The following STAB2 variants were observed in gnomAD, a reference collection of about 807,000 sequenced individuals.
The protein encoded by STAB2 is stabilin 2.
A neutral mutation model predicts 338.1 loss-of-function variants in STAB2; 288 were observed. That is an observed-to-expected ratio of 0.85 (90% CI 0.77 to 0.94). The LOEUF (loss-of-function observed/expected upper bound fraction) is 0.94, where lower values mean the gene tolerates loss of function less well. STAB2 is among the 40% of genes least tolerant of loss of function. The pLI is 0.00. For missense variants in STAB2, 3,141 were observed against 3,210.1 expected (o/e 0.98, Z 0.52); for synonymous variants, 1,202 against 1,193.3 (o/e 1.01, Z -0.15).
At chr12:103,739,566 T>C (rs1408103040) in intron 54 of STAB2, 98 bp downstream of exon 54, 1 of 778,526 alleles carries the variant, frequency 1.3e-6, no homozygotes, top group African/African-American at 1.9e-5. Flanking sequence ...TGTGTGTGTG[T>C]GTGTGTGCCC....
At position 103,728,855 on chromosome 12, in the gene STAB2, G is replaced by T; in HGVS notation, c.4942G>T (p.Asp1648Tyr). The change falls in exon 48 of 69, where the codon GAC becomes TAC. Residue 1648 changes from aspartate to tyrosine, a missense_variant. Transcript: ENST00000388887. ...CTCTGATCTTCTGTTACAGGTTAAAGACTGGGACAAATACGGTTTAATGCC... is the reference window on the plus strand; with the variant it reads ...CTCTGATCTTCTGTTACAGGTTAAATACTGGGACAAATACGGTTTAATGCC... ...AAFDEEARVK[D>Y]WDKYGLMPQV... The T allele has an allele frequency of 6.2e-7, 1 of 1,613,996 alleles. No homozygotes were observed. The highest frequency in any genetic ancestry group is 8.5e-7 in the Non-Finnish European group (1 of 1,179,876).
chr12:103,736,202 G>A (rs1420830507), intron 52 of STAB2, among the ~76,000 whole-genome samples: 5 of 152,174 alleles, frequency 3.3e-5, no homozygotes, highest in African/African-American at 9.6e-5. Context: ...TGGCTCAGTG[G>A]AGAGGTGCCT....
At chr12:103,711,933 C>T (rs1159459958) in intron 40 of STAB2, among the ~76,000 whole-genome samples, 2 of 152,196 alleles carry the variant, frequency 1.3e-5, no homozygotes, top group Admixed American at 6.5e-5. Flanking sequence ...TCAAAGTCAG[C>T]CTCTGTTATT....
At chr12:103,679,322 C>T (rs916213887) in intron 25 of STAB2, among the ~76,000 whole-genome samples, 40 of 151,758 alleles carry the variant, frequency 2.6e-4, no homozygotes, top group African/African-American at 8.7e-4. Flanking sequence ...GAACTGAGAT[C>T]GTGCCATTGC....
intron 46 of STAB2, among the ~76,000 whole-genome samples, chr12:103,726,999 G>C (rs1004267632): frequency 1.3e-5 from 2 of 152,112 alleles, no homozygotes; most frequent in African/African-American, 4.8e-5. Context: ...TAGGTGGTGG[G>C]ACTAGGGAGG....
intron 59 of STAB2, 40 bp downstream of exon 59, chr12:103,749,196 G>T (rs76025401): frequency 6.4e-7 from 1 of 1,553,730 alleles, no homozygotes; most frequent in Non-Finnish European, 8.7e-7. Context: ...GAGCAGCGCC[G>T]TGGGCTTCGC....
At chr12:103,762,616 T>C (rs769046330) in intron 67 of STAB2, among the ~76,000 whole-genome samples, 3 of 152,174 alleles carry the variant, frequency 2.0e-5, no homozygotes, top group Non-Finnish European at 4.4e-5. Flanking sequence ...AAGCCCCTCC[T>C]TCTGGCTGAG....
At chr12:103,765,086 CAAA>C (rs56002429) in intron 68 of STAB2, among the ~76,000 whole-genome samples, 30 of 66,490 alleles carry the variant, frequency 4.5e-4, no homozygotes, top group African/African-American at 1.0e-3. Flanking sequence ...GACTCTGTCT[CAAA>C]AAAAAAAAAA....
Position 103,707,222 on chromosome 12 carries a change from CTCATTGACATT to C in STAB2, c.4192+236_4192+246del, listed in dbSNP as rs1879447319. 3.3e-5 allele frequency among the ~76,000 whole-genome samples: 5 copies of C among 152,374 alleles called. No homozygotes were observed. In the South Asian group the frequency reaches 1.0e-3, roughly 32 times the overall value. ...AACCTACCAACTCACTTCCAATTTG[CTCATTGACATT>C]CCCAGCCCAAATGCGTTTTTATATT... is the stretch of plus-strand genomic sequence containing the variant. On this transcript the variant is annotated intron_variant, in intron 38 of 68. Coordinates refer to ENST00000388887, the MANE Select transcript of STAB2 (RefSeq NM_017564.10).
rs566603979 is a variant in STAB2, at chr12:103,698,594, C to T, written c.3583-502C>T. ...CCAAGCCAACTATGCAAGTGCAAAT[C>T]GGTCCCACGCAGCAACAACCCTCCT... On this transcript the variant is annotated intron_variant, in intron 33 of 68. Transcript: ENST00000388887. Among the ~76,000 whole-genome samples the T allele has an allele frequency of 3.2e-4, 48 of 152,104 alleles. 1 individual carries two copies. Among genetic ancestry groups the T allele is most frequent in the Admixed American group, 2.0e-4 (3 of 15,282 alleles).
chr12:103,675,131 A>AT (rs1166508043), intron 23 of STAB2, among the ~76,000 whole-genome samples: 3 of 152,176 alleles, frequency 2.0e-5, no homozygotes, highest in Non-Finnish European at 2.9e-5. Flanking sequence ...TGAAATATAT[A>AT]TTTTTTTAAT....
intron 30 of STAB2, among the ~76,000 whole-genome samples, chr12:103,692,559 CTCTT>C (rs1339799546): frequency 6.6e-6 from 1 of 152,192 alleles, no homozygotes; most frequent in East Asian, 1.9e-4. Flanking sequence ...TTCTTTCTTT[CTCTT>C]TCTCTTTTTC....
In STAB2 at chr12:103,703,216, G is replaced by A. The variant is rs1879058111; in HGVS notation, c.3783G>A (p.Leu1261=). The A allele has an allele frequency of 1.2e-6, 2 of 1,614,010 alleles. No homozygotes were observed. The highest frequency in any genetic ancestry group is 4.5e-5 in the East Asian group (2 of 44,874). The stretch of plus-strand genomic sequence containing the variant: ...CTGATAAGGGAGTGATCCATGGCTT[G>A]GGAAAAGTTCTGGAAATTCAGAAGA... ...VATDKGVIHG[L]GKVLEIQKNR... Residue 1261 remains leucine (L), a synonymous_variant, in exon 35 of 69, where the codon TTG becomes TTA. Transcript: ENST00000388887.
At chr12:103,756,706 C>T (rs996220848) in intron 63 of STAB2, among the ~76,000 whole-genome samples, 5 of 152,058 alleles carry the variant, frequency 3.3e-5, no homozygotes, top group Non-Finnish European at 5.9e-5. Flanking sequence ...AGTCAGTGAC[C>T]GCAGGAGGAA....
intron 11 of STAB2, 148 bp downstream of exon 11, chr12:103,650,726 G>A: frequency 1.7e-6 from 1 of 594,512 alleles, no homozygotes; most frequent in Non-Finnish European, 2.9e-6. Flanking sequence ...TTCTTTTAGT[G>A]ATATATAACA....
intron 19 of STAB2, among the ~76,000 whole-genome samples, chr12:103,667,399 T>C (rs1417050104): frequency 6.6e-6 from 1 of 152,172 alleles, no homozygotes; most frequent in African/African-American, 2.4e-5. Context: ...ATTATCACCA[T>C]AACCAATGTA....
chr12:103,704,580 C>CA lies in STAB2; in HGVS notation c.3867dup (p.Glu1290ArgfsTer9). ...AAGGGAAGATGTAGGACATGCTCCTCAGAGCTGACCTGCCCATTCGGAACT... is the reference window on the plus strand; with the variant it reads ...AAGGGAAGATGTAGGACATGCTCCTCAAGAGCTGACCTGCCCATTCGGAACT... On this transcript the variant is annotated frameshift_variant, in exon 36 of 69. Transcript: ENST00000388887. LOFTEE classifies it high-confidence loss of function. 6.2e-7 allele frequency: 1 copy of CA among 1,613,712 alleles called. No individual in the cohort carries two copies. Among genetic ancestry groups the CA allele is most frequent in the Non-Finnish European group, 8.5e-7 (1 of 1,179,876 alleles).
chr12:103,725,776 A>G (rs922366365), intron 45 of STAB2, among the ~76,000 whole-genome samples: 11 of 152,276 alleles, frequency 7.2e-5, no homozygotes, highest in African/African-American at 2.4e-4. Flanking sequence ...CCGGCTGATC[A>G]AATATTGTTA....
chr12:103,606,770 G>T (rs1565956378), intron 3 of STAB2, among the ~76,000 whole-genome samples: 1 of 152,122 alleles, frequency 6.6e-6, no homozygotes, highest in Non-Finnish European at 1.5e-5. Context: ...GGATCACGAG[G>T]TCAGGAGATC....
Sources: allele counts gnomAD v4.1 joint callset (sites outside exome capture counted in the v4.1 genomes callset), GRCh38; gene constraint gnomAD v4.1.1; transcripts MANE v1.5; gene names NCBI Gene and HGNC (gene_info 2026-07-23, HGNC 2026-07-21).